ABHD2: variants seen among roughly 807,000 people sequenced by gnomAD.
The protein encoded by ABHD2 is abhydrolase domain containing 2, acylglycerol lipase.
In ABHD2, 20 loss-of-function variants were observed where a neutral mutation model predicts 48.1. That is an observed-to-expected ratio of 0.42 (90% CI 0.29 to 0.60). The LOEUF (loss-of-function observed/expected upper bound fraction) is 0.60. Among genes scored for constraint, ABHD2 ranks in the 20% least tolerant of loss-of-function variants. The probability of loss-of-function intolerance (pLI) is 0.24; values close to 1 mark genes in which losing one functional copy is unlikely to be tolerated. For synonymous variants in ABHD2, 209 were observed against 214.2 expected, an observed-to-expected ratio of 0.98 and a Z score of 0.21; for missense variants, 405 against 550.9, an observed-to-expected ratio of 0.74 and a Z score of 2.65.
chr15:89,163,983 A>C (rs1230140210), intron 5 of ABHD2, among the ~76,000 whole-genome samples: 1 of 152,214 alleles, frequency 6.6e-6, no homozygotes, highest in Non-Finnish European at 1.5e-5. Context: ...TCCATGTAAG[A>C]GACTAAGGAG....
intron 1 of ABHD2, among the ~76,000 whole-genome samples, chr15:89,099,667 C>T (rs1184982907): frequency 6.6e-6 from 1 of 151,532 alleles, no homozygotes. Context: ...TACCTGTAAT[C>T]CCAGCACTTT....
chr15:89,045,408 G>A, the ABHD2 span, among the ~76,000 whole-genome samples: 4 of 151,940 alleles, frequency 2.6e-5, no homozygotes, highest in Non-Finnish European at 4.4e-5. Context: ...GGTTCCATAT[G>A]AACTTTAGTT....
At chr15:89,172,158 A>G (rs915107979) in intron 5 of ABHD2, among the ~76,000 whole-genome samples, 2 of 152,168 alleles carry the variant, frequency 1.3e-5, no homozygotes, top group Non-Finnish European at 2.9e-5. Context: ...TAAAATGTAC[A>G]TAACAAAATT....
In ABHD2 at chr15:89,149,601, C is replaced by A. The variant is rs1203798147; in HGVS notation, c.195-2076C>A. On this transcript the variant is annotated intron_variant, in intron 3 of 10. Coordinates refer to ENST00000352732, the MANE Select transcript of ABHD2 (RefSeq NM_152924.5). ...GCTGTGCATGGAGAAGGGGCAACCC[C>A]CCCAGCAACCTGACTGGAAGTGAGT... Among the ~76,000 whole-genome samples, 5 of 152,268 alleles carry A rather than the reference C, an allele frequency of 3.3e-5. No homozygotes were observed. In the East Asian group the frequency reaches 9.6e-4, roughly 29 times the overall value.
At position 89,196,954 on chromosome 15, in the gene ABHD2, C is replaced by T. The variant is rs1180576047; in HGVS notation, c.*1531C>T. ...TAAACAGAACTATGAGTAAAATTGCCTGGATACTTTAAAAAGATATTTTTC... is the reference window on the plus strand; with the variant it reads ...TAAACAGAACTATGAGTAAAATTGCTTGGATACTTTAAAAAGATATTTTTC... On this transcript the variant is annotated 3_prime_UTR_variant, in exon 11 of 11. Coordinates refer to ENST00000352732, the MANE Select transcript of ABHD2 (RefSeq NM_152924.5). 6.6e-6 allele frequency: 1 copy of T among 152,608 alleles called. No homozygotes were observed. Among genetic ancestry groups the T allele is most frequent in the African/African-American group, 2.4e-5 (1 of 41,438 alleles). 9.5% of individuals were successfully genotyped at this position (152,608 alleles called of 1,614,324 possible). A position where few individuals can be genotyped will look rare whatever the true frequency, so the allele number is the denominator to read the frequency against.
At chr15:89,115,607 G>A (rs1272028617) in intron 2 of ABHD2, among the ~76,000 whole-genome samples, 3 of 152,052 alleles carry the variant, frequency 2.0e-5, no homozygotes, top group Non-Finnish European at 2.9e-5. Flanking sequence ...TCCGCAGGGG[G>A]AAAAAACAAA....
chr15:89,178,505 G>C (rs2051053952), intron 6 of ABHD2, among the ~76,000 whole-genome samples: 1 of 152,170 alleles, frequency 6.6e-6, no homozygotes, highest in Admixed American at 6.5e-5. Flanking sequence ...TGAGTCTGGA[G>C]ACCCGCTTCC....
Position 89,185,572 on chromosome 15 carries a change from T to TA in ABHD2, c.815+56_815+57insA, listed in dbSNP as rs1214528587. 1.9e-5 allele frequency: 29 copies of TA among 1,517,366 alleles called. No individual in the cohort carries two copies. The highest frequency in any genetic ancestry group is 1.7e-4 in the Middle Eastern group (1 of 5,884). 94.0% of individuals were successfully genotyped at this position (1,517,366 alleles called of 1,614,324 possible). On this transcript the variant is annotated intron_variant, in intron 7 of 10. Transcript: ENST00000352732. The surrounding 1 kb of genome is among the most constrained non-coding windows in gnomAD (Gnocchi z 5.9). ...CAGACAGTTCCTTCCTGAGCTCATC[T>TA]GGGAACCGTGAAAAGCCAGGACTCC...
In ABHD2 at chr15:89,097,992, G is replaced by A. The variant is rs1024379386; in HGVS notation, c.-107+9429G>A. 2.0e-5 allele frequency among the ~76,000 whole-genome samples: 3 copies of A among 152,136 alleles called. No individual in the cohort carries two copies. The highest frequency in any genetic ancestry group is 1.3e-4 in the Admixed American group (2 of 15,258). On this transcript the variant is annotated intron_variant, in intron 1 of 10. Transcript: ENST00000352732. This position sits in a 1 kb window ranked among gnomAD's most constrained non-coding sequence, Gnocchi z 4.2. ...TGCAGCCTCCACCTCCTAGACTCAA[G>A]TGATCCTTCCACCTCAGCCTTCCCA...
At chr15:89,041,503 G>A in the ABHD2 span, among the ~76,000 whole-genome samples, 1 of 152,236 alleles carries the variant, frequency 6.6e-6, no homozygotes, top group Non-Finnish European at 1.5e-5. Flanking sequence ...CTTCCTTGAT[G>A]TCTGGATCTA....
rs1281584982 is a variant in ABHD2 at position 89,185,933 on chromosome 15, C to T, written c.815+417C>T. Reference sequence around the variant, plus strand: ...AGCGAGCCAAGATTGCGCCAATGCACCCCAGCCTGGGTGACAGAGCGAGAC... The same window carrying T: ...AGCGAGCCAAGATTGCGCCAATGCATCCCAGCCTGGGTGACAGAGCGAGAC... On this transcript the variant is annotated intron_variant, in intron 7 of 10. Transcript: ENST00000352732. This position sits in a 1 kb window ranked among gnomAD's most constrained non-coding sequence, Gnocchi z 5.9. 6.6e-6 allele frequency among the ~76,000 whole-genome samples: 1 copy of T among 152,190 alleles called. No homozygotes were observed. The highest frequency in any genetic ancestry group is 1.5e-5 in the Non-Finnish European group (1 of 68,034).
chr15:89,063,364 A>C, the ABHD2 span, among the ~76,000 whole-genome samples: 3 of 151,966 alleles, frequency 2.0e-5, no homozygotes, highest in African/African-American at 7.3e-5. Context: ...CATAACCAAA[A>C]CTCCTAGAAT....
At position 89,168,947 on chromosome 15, in the gene ABHD2, C is replaced by G. The variant is rs965973198; in HGVS notation, c.539-6865C>G. Among the ~76,000 whole-genome samples the G allele has an allele frequency of 6.6e-6, 1 of 152,088 alleles. No individual in the cohort carries two copies. Among genetic ancestry groups the G allele is most frequent in the African/African-American group, 2.4e-5 (1 of 41,404 alleles). ...ATCTCTACAAAAAATCAGAAATTAG[C>G]TGGGTTTGGTGGCATGTGCCTATAG... On this transcript the variant is annotated intron_variant, in intron 5 of 10. Transcript: ENST00000352732. This position sits in a 1 kb window ranked among gnomAD's most constrained non-coding sequence, Gnocchi z 4.8.
chr15:89,135,143 C>CTTT (rs3049683), intron 3 of ABHD2, among the ~76,000 whole-genome samples: 2 of 112,174 alleles, frequency 1.8e-5, no homozygotes, highest in African/African-American at 3.2e-5. Context: ...ACAACTTTTT[C>CTTT]TTTTTTTTTT....
chr15:89,086,250 C>T (rs988071545), upstream of ABHD2, among the ~76,000 whole-genome samples: 8 of 152,162 alleles, frequency 5.3e-5, no homozygotes, highest in Non-Finnish European at 7.3e-5. Flanking sequence ...TGGTCTGGAA[C>T]TGCTGACCTC....
chr15:89,092,765 C>G lies in ABHD2; in HGVS notation c.-107+4202C>G, dbSNP rs55980696. Among the ~76,000 whole-genome samples, 3,015 of 152,310 alleles carry G rather than the reference C, an allele frequency of 0.02. 44 individuals carry two copies. The highest frequency in any genetic ancestry group is 0.033 in the Non-Finnish European group (2,216 of 68,014). On this transcript the variant is annotated intron_variant, in intron 1 of 10. Coordinates refer to ENST00000352732, the MANE Select transcript of ABHD2 (RefSeq NM_152924.5). The surrounding 1 kb of genome is among the most constrained non-coding windows in gnomAD (Gnocchi z 4.4). Reference sequence around the variant, plus strand: ...GCATACATGCTATTTGGAACCTTGCCTTTTTCACTTAATATTTCTTGGCAG... The same window carrying G: ...GCATACATGCTATTTGGAACCTTGCGTTTTTCACTTAATATTTCTTGGCAG...
At chr15:89,042,454 C>T in the ABHD2 span, among the ~76,000 whole-genome samples, 1 of 152,118 alleles carries the variant, frequency 6.6e-6, no homozygotes, top group Non-Finnish European at 1.5e-5. Flanking sequence ...TCCTGCCTTC[C>T]CTCCGTCTTA....
rs951664459 is a variant in ABHD2 at position 89,196,272 on chromosome 15, G to A, written c.*849G>A. On this transcript the variant is annotated 3_prime_UTR_variant, in exon 11 of 11. Coordinates refer to ENST00000352732, the MANE Select transcript of ABHD2 (RefSeq NM_152924.5). Reference sequence around the variant, plus strand: ...GCTCCCACGGTCTCCAGAGCAGCAAGGCCGGCTATGGAGCTGCCGTCGTGT... The same window carrying A: ...GCTCCCACGGTCTCCAGAGCAGCAAAGCCGGCTATGGAGCTGCCGTCGTGT... 3 of 152,174 alleles carry A rather than the reference G, an allele frequency of 2.0e-5. No individual in the cohort carries two copies. Among genetic ancestry groups the A allele is most frequent in the African/African-American group, 7.2e-5 (3 of 41,430 alleles). 9.4% of individuals were successfully genotyped at this position (152,174 alleles called of 1,614,324 possible).
upstream of ABHD2, among the ~76,000 whole-genome samples, chr15:89,085,176 C>G (rs908365609): frequency 8.5e-5 from 13 of 152,082 alleles, no homozygotes; most frequent in Non-Finnish European, 1.8e-4. The surrounding 1 kb of genome is among the most constrained non-coding windows in gnomAD (Gnocchi z 4.2). Context: ...TTAATGAAGT[C>G]CTGCAGCTTT....
Sources: gnomAD v4.1 joint callset for allele counts (sites outside exome capture counted in the v4.1 genomes callset) on GRCh38, gnomAD v4.1.1 for gene constraint, Gnocchi (gnomAD v3.1) non-coding constraint, MANE v1.5 for transcripts, NCBI Gene and HGNC (gene_info 2026-07-23, HGNC 2026-07-21) for gene names.